The following AFAP1 variants were observed in gnomAD, a reference collection of about 807,000 sequenced individuals.
The protein encoded by AFAP1 is actin filament associated protein 1, also known as actin filament-associated protein 1.
A neutral mutation model predicts 93.9 loss-of-function variants in AFAP1; 75 were observed. That is an observed-to-expected ratio of 0.80 (90% CI 0.66 to 0.97). AFAP1 has a LOEUF of 0.97. AFAP1 is among the 50% of genes least tolerant of loss of function. The pLI is 0.00. For synonymous variants in AFAP1, 517 were observed against 430.7 expected (o/e 1.20, Z -2.48); for missense variants, 1,201 against 1,050.8 (o/e 1.14, Z -1.98).
intron 1 of AFAP1, among the ~76,000 whole-genome samples, chr4:7,896,093 T>A (rs1453869658): frequency 2.0e-5 from 3 of 151,996 alleles, no homozygotes; most frequent in African/African-American, 7.3e-5. Flanking sequence ...ACTCCCGACT[T>A]CAGGTGATCC....
intron 6 of AFAP1, among the ~76,000 whole-genome samples, chr4:7,826,128 G>A (rs1721399995): frequency 1.3e-5 from 2 of 152,210 alleles, no homozygotes; most frequent in African/African-American, 2.4e-5. Flanking sequence ...CCATATTTGG[G>A]ACAGGGAAGA....
At chr4:7,825,275 T>C (rs182353234) in intron 6 of AFAP1, among the ~76,000 whole-genome samples, 2 of 152,284 alleles carry the variant, frequency 1.3e-5, no homozygotes, top group East Asian at 3.9e-4. Flanking sequence ...CACCCACCTT[T>C]CCATCACTCT....
rs117197464 is a variant in AFAP1, at chr4:7,783,708, A to G, written c.1531-2081T>C. Among the ~76,000 whole-genome samples, 477 of 152,348 alleles carry G rather than the reference A, an allele frequency of 3.1e-3. 10 individuals carry two copies. The East Asian group carries it at 0.033, about 11-fold the overall frequency. ...ACACTTGCTCCTGGGGGTGGCCTGTAGAGTGTCATAAAAGTCTGAATAAAA... is the reference window on the plus strand; with the variant it reads ...ACACTTGCTCCTGGGGGTGGCCTGTGGAGTGTCATAAAAGTCTGAATAAAA... On this transcript the variant is annotated intron_variant, in intron 12 of 17. Coordinates refer to ENST00000420658, the MANE Select transcript of AFAP1 (RefSeq NM_001134647.2).
At chr4:7,802,987 A>G (rs1719194177) in intron 9 of AFAP1, among the ~76,000 whole-genome samples, 1 of 152,204 alleles carries the variant, frequency 6.6e-6, no homozygotes. Flanking sequence ...AGAATCAACT[A>G]TCATATCTGA....
chr4:7,798,975 T>C, intron 10 of AFAP1: 4 of 986,584 alleles, frequency 4.1e-6, no homozygotes, highest in Non-Finnish European at 4.8e-6. Flanking sequence ...GAGACCCGCA[T>C]TGTTACATCA....
In AFAP1 at chr4:7,781,429, A is replaced by C; in HGVS notation, c.1729T>G (p.Ser577Ala). Residue 577 changes from serine (S) to alanine (A), a missense_variant, in exon 13 of 18, where the codon TCT (serine) becomes GCT (alanine). Transcript: ENST00000420658. The stretch of plus-strand genomic sequence containing the variant: ...CCCACAGAAGAGGTATTAGTGACAG[A>C]CTGAGCGGAGGCAGGGTATTTGTAA... ...NHYKYPASAQSVTNTSSVGRA... is the reference protein window; with the variant it reads ...NHYKYPASAQAVTNTSSVGRA... 2 of 1,552,090 alleles carry C rather than the reference A, an allele frequency of 1.3e-6. No individual in the cohort carries two copies. Among genetic ancestry groups the C allele is most frequent in the South Asian group, 2.4e-5 (2 of 84,060 alleles).
intron 8 of AFAP1, 26 bp from the exon 9 acceptor site, chr4:7,809,789 A>G: frequency 6.3e-7 from 1 of 1,594,246 alleles, no homozygotes; most frequent in Non-Finnish European, 8.5e-7. Flanking sequence ...ACAGCAAAAA[A>G]GCATGTTTTA....
At chr4:7,789,751 C>T (rs1717687443) in intron 11 of AFAP1, among the ~76,000 whole-genome samples, 1 of 151,974 alleles carries the variant, frequency 6.6e-6, no homozygotes, top group Non-Finnish European at 1.5e-5. Context: ...TCATCCTCAC[C>T]ACCCCATCCG....
intron 1 of AFAP1, among the ~76,000 whole-genome samples, chr4:7,899,017 A>G (rs1368805964): frequency 5.4e-5 from 7 of 129,422 alleles, no homozygotes; most frequent in Non-Finnish European, 1.1e-4. Flanking sequence ...ATATAAATAT[A>G]TGTGTGTGTA....
At chr4:7,910,606 G>A (rs6829680) in intron 1 of AFAP1, among the ~76,000 whole-genome samples, 46,810 of 152,104 alleles carry the variant, frequency 0.31, 8,971 homozygotes, top group Non-Finnish European at 0.44. Flanking sequence ...AACAGCGGGA[G>A]TAACAGACCA....
chr4:7,840,330 T>TGTG (rs1712864501), intron 5 of AFAP1, among the ~76,000 whole-genome samples: 1 of 130,574 alleles, frequency 7.7e-6, no homozygotes, highest in African/African-American at 2.9e-5. Context: ...GTGTGTGTGT[T>TGTG]TGAGATGAAG....
rs553459059 is a variant in AFAP1, at chr4:7,936,772, AG to A, written c.-3+2883del. On this transcript the variant is annotated intron_variant, in intron 1 of 17. Coordinates refer to ENST00000420658, the MANE Select transcript of AFAP1 (RefSeq NM_001134647.2). ...AACTTTTTGTATTTTTAGTGGAGAT[AG>A]GGTTTCACCGTGTTAGCCAGGATGG... Among the ~76,000 whole-genome samples, 257 of 152,038 alleles carry A rather than the reference AG, an allele frequency of 1.7e-3. 3 individuals are homozygous for A. The highest frequency in any genetic ancestry group is 2.6e-4 in the Non-Finnish European group (18 of 67,964).
At chr4:7,798,345 T>C (rs1718673335) in intron 10 of AFAP1, among the ~76,000 whole-genome samples, 2 of 147,162 alleles carry the variant, frequency 1.4e-5, no homozygotes, top group Middle Eastern at 6.9e-3. Context: ...ATTGGCTGGC[T>C]CACAGCACTG....
At chr4:7,776,156 C>G (rs898930136) in intron 14 of AFAP1, 1 of 152,322 alleles carries the variant, frequency 6.6e-6, no homozygotes, top group Non-Finnish European at 1.5e-5. Context: ...ACTCCCAGGC[C>G]TTCCTGACTG....
At chr4:7,909,147 CATA>C (rs773279916) in intron 1 of AFAP1, among the ~76,000 whole-genome samples, 2 of 152,146 alleles carry the variant, frequency 1.3e-5, no homozygotes, top group Non-Finnish European at 2.9e-5. Flanking sequence ...ATGGTGGTGT[CATA>C]ATAACTTTAC....
chr4:7,913,035 A>C (rs187667294), intron 1 of AFAP1, among the ~76,000 whole-genome samples: 1 of 152,112 alleles, frequency 6.6e-6, no homozygotes. Context: ...TTTTGTAGAG[A>C]TAGGATCTTG....
At chr4:7,905,616 C>A (rs1719354660) in intron 1 of AFAP1, among the ~76,000 whole-genome samples, 2 of 152,152 alleles carry the variant, frequency 1.3e-5, no homozygotes, top group African/African-American at 4.8e-5. Context: ...TGTCATTTTC[C>A]AGATTTAATG....
At chr4:7,837,027 G>A (rs1712385405) in intron 6 of AFAP1, among the ~76,000 whole-genome samples, 1 of 152,090 alleles carries the variant, frequency 6.6e-6, no homozygotes, top group African/African-American at 2.4e-5. Context: ...ACAGAACCAG[G>A]TTCAAACTCC....
chr4:7,872,187 A>C (rs965779162), intron 1 of AFAP1, 107 bp from the exon 2 acceptor site: 140 of 1,418,270 alleles, frequency 9.9e-5, no homozygotes, highest in Middle Eastern at 2.0e-4. Context: ...TGATCATTGG[A>C]TATAGTATTC....
Sources: allele counts gnomAD v4.1 joint callset (sites outside exome capture counted in the v4.1 genomes callset), GRCh38; gene constraint gnomAD v4.1.1; transcripts MANE v1.5; gene names NCBI Gene and HGNC (gene_info 2026-07-23, HGNC 2026-07-21).